SLC22A23: variants seen among roughly 807,000 people sequenced by gnomAD.
SLC22A23 encodes the protein solute carrier family 22 member 23.
In SLC22A23, 26 loss-of-function variants were observed where a neutral mutation model predicts 61.0. That is an observed-to-expected ratio of 0.43 (90% confidence interval 0.31 to 0.59). The LOEUF is 0.59. SLC22A23 is among the 20% of genes least tolerant of loss of function. SLC22A23 has a pLI of 0.11. For missense variants in SLC22A23, 796 were observed against 934.7 expected, an observed-to-expected ratio of 0.85 and a Z score of 1.94; for synonymous variants, 430 against 413.9, an observed-to-expected ratio of 1.04 and a Z score of -0.47.
intron 3 of SLC22A23, among the ~76,000 whole-genome samples, chr6:3,402,238 T>C (rs946626932): frequency 1.4e-4 from 21 of 152,176 alleles, no homozygotes; most frequent in African/African-American, 4.8e-4. Context: ...GGCCTTCTTT[T>C]CCTCTTTGGC....
chr6:3,451,472 C>T (rs1581910510), intron 1 of SLC22A23, among the ~76,000 whole-genome samples: 1 of 152,252 alleles, frequency 6.6e-6, no homozygotes, highest in East Asian at 1.9e-4. Context: ...GCTGGGATTA[C>T]AGGCGTGAGC....
chr6:3,295,114 G>C (rs1760960981), intron 5 of SLC22A23, among the ~76,000 whole-genome samples: 1 of 152,288 alleles, frequency 6.6e-6, no homozygotes, highest in Non-Finnish European at 1.5e-5. Context: ...TGGGGGCACA[G>C]AAGTGTCTGG....
chr6:3,393,792 G>T (rs1168048094), intron 3 of SLC22A23, among the ~76,000 whole-genome samples: 2 of 152,226 alleles, frequency 1.3e-5, no homozygotes, highest in Non-Finnish European at 2.9e-5. Context: ...TTATTCTCAG[G>T]TTTTCAATCG....
At chr6:3,278,303 T>G (rs1209975455) in intron 9 of SLC22A23, among the ~76,000 whole-genome samples, 1 of 152,182 alleles carries the variant, frequency 6.6e-6, no homozygotes, top group Non-Finnish European at 1.5e-5. Context: ...TAGAAAGCCC[T>G]TCCCAGGGAG....
At chr6:3,440,504 G>C (rs1042263172) in intron 1 of SLC22A23, among the ~76,000 whole-genome samples, 2 of 151,888 alleles carry the variant, frequency 1.3e-5, no homozygotes, top group Non-Finnish European at 2.9e-5. Context: ...TCAGGAGTTC[G>C]AGACCAGCCT....
intron 9 of SLC22A23, among the ~76,000 whole-genome samples, chr6:3,276,463 C>T (rs1014906662): frequency 6.6e-6 from 1 of 152,232 alleles, no homozygotes; most frequent in African/African-American, 2.4e-5. Flanking sequence ...ACCGATTTTC[C>T]TAGAACACAG....
In SLC22A23 at chr6:3,286,987, G is replaced by A. The variant is rs1760073198; in HGVS notation, c.1418C>T (p.Ala473Val). Residue 473 changes from alanine (A) to valine (V), a missense_variant, in exon 7 of 10, where the codon GCC (alanine) becomes GTC (valine). By Grantham distance (64) the Ala-to-Val change is moderately conservative (BLOSUM62 0). Transcript: ENST00000406686. This position sits in a 1 kb window ranked among gnomAD's most constrained non-coding sequence, Gnocchi z 4.2. ...CAGGCAGGACACCAGCGCGATGCTG[G>A]CCGTGGTATAGTAGTCAGCATAGAA... ...ENFYADYYTT[A>V]SIALVSCLAM... The A allele has an allele frequency of 6.2e-7, 1 of 1,614,186 alleles. No homozygotes were observed. The highest frequency in any genetic ancestry group is 1.3e-5 in the African/African-American group (1 of 75,066).
At chr6:3,400,383 G>A (rs2127497774) in intron 3 of SLC22A23, among the ~76,000 whole-genome samples, 1 of 152,330 alleles carries the variant, frequency 6.6e-6, no homozygotes, top group South Asian at 2.1e-4. Flanking sequence ...ACATGAGTGG[G>A]CCTCGTGGAA....
At chr6:3,422,051 C>G (rs1377082809) in intron 1 of SLC22A23, among the ~76,000 whole-genome samples, 2 of 152,154 alleles carry the variant, frequency 1.3e-5, no homozygotes, top group Non-Finnish European at 2.9e-5. Context: ...TTTTACCAAT[C>G]GCTGTGCACA....
At position 3,372,700 on chromosome 6, in the gene SLC22A23, A is replaced by G. The variant is rs1019887160; in HGVS notation, c.913+37488T>C. On this transcript the variant is annotated intron_variant, in intron 3 of 9. Coordinates refer to ENST00000406686, the MANE Select transcript of SLC22A23 (RefSeq NM_015482.2). This position sits in a 1 kb window ranked among gnomAD's most constrained non-coding sequence, Gnocchi z 4.7. ...TGAGCATCCCAGGGAGCTGGAGCAC[A>G]GCCGGGGCGTTAGATATGGAGCCTC... Among the ~76,000 whole-genome samples the G allele has an allele frequency of 6.6e-6, 1 of 152,216 alleles. No homozygotes were observed. Among genetic ancestry groups the G allele is most frequent in the African/African-American group, 2.4e-5 (1 of 41,454 alleles).
intron 1 of SLC22A23, among the ~76,000 whole-genome samples, chr6:3,448,047 C>T (rs1771994824): frequency 6.6e-6 from 1 of 151,764 alleles, no homozygotes; most frequent in Non-Finnish European, 1.5e-5. Context: ...GGATTACAGG[C>T]ACCCACCACC....
intron 3 of SLC22A23, among the ~76,000 whole-genome samples, chr6:3,406,215 T>A (rs1189831017): frequency 1.3e-5 from 2 of 152,068 alleles, no homozygotes; most frequent in African/African-American, 4.8e-5. Flanking sequence ...ATTTTTTATT[T>A]AAAAAAATTC....
At position 3,410,113 on chromosome 6, in the gene SLC22A23, T is replaced by C; in HGVS notation, c.913+75A>G. The C allele has an allele frequency of 6.6e-7, 1 of 1,519,424 alleles. No homozygotes were observed. The highest frequency in any genetic ancestry group is 8.9e-7 in the Non-Finnish European group (1 of 1,127,136). 94.1% of individuals were successfully genotyped at this position (1,519,424 alleles called of 1,614,324 possible). ...GCCCACACGAGCAGCATGCACAGTA[T>C]CTTTCCCAGAACCTCCCAGGCAACA... On this transcript the variant is annotated intron_variant, in intron 3 of 9. Transcript: ENST00000406686. This position sits in a 1 kb window ranked among gnomAD's most constrained non-coding sequence, Gnocchi z 5.0.
In SLC22A23 at chr6:3,298,137, C is replaced by T. The variant is rs768889057; in HGVS notation, c.1164G>A (p.Gln388=). ...SAKRLILHFT[Q]KNRMNPEGDI... ...CGCCCTCAGGGTTCATGCGATTCTTCTGTGTGAAGTGGAGGATCAGCCTCT... is the reference window on the plus strand; with the variant it reads ...CGCCCTCAGGGTTCATGCGATTCTTTTGTGTGAAGTGGAGGATCAGCCTCT... The change falls in exon 5 of 10, where the codon CAG becomes CAA. Residue 388 remains glutamine, a synonymous_variant. Coordinates refer to ENST00000406686, the MANE Select transcript of SLC22A23 (RefSeq NM_015482.2). 6.9e-6 allele frequency: 11 copies of T among 1,587,724 alleles called. No homozygotes were observed. The highest frequency in any genetic ancestry group is 2.7e-5 in the African/African-American group (2 of 73,134).
chr6:3,299,998 C>CTTTTTTTTT lies in SLC22A23; in HGVS notation c.1083-1789_1083-1781dup, dbSNP rs869114176. Reference sequence around the variant, plus strand: ...ACCTGCTTTGCAAGCTCAGGATAGACTTTTTTTTTTTTTTTTTTTTTTTTT... The same window carrying CTTTTTTTTT: ...ACCTGCTTTGCAAGCTCAGGATAGACTTTTTTTTTTTTTTTTTTTTTTTTTTTTTTTTTT... On this transcript the variant is annotated intron_variant, in intron 4 of 9. Coordinates refer to ENST00000406686, the MANE Select transcript of SLC22A23 (RefSeq NM_015482.2). 9.5e-4 allele frequency among the ~76,000 whole-genome samples: 75 copies of CTTTTTTTTT among 78,792 alleles called. 8 individuals carry two copies. In the East Asian group the frequency reaches 0.011, roughly 11 times the overall value. The allele number at this position is 78,792 out of a possible 152,430, so 51.7% of individuals were successfully genotyped here.
chr6:3,399,343 T>C (rs1309176661), intron 3 of SLC22A23, among the ~76,000 whole-genome samples: 1 of 152,236 alleles, frequency 6.6e-6, no homozygotes, highest in Non-Finnish European at 1.5e-5. Context: ...GTTCCTGAAC[T>C]GTTTTTCCCC....
At chr6:3,312,376 G>A (rs1430888664) in intron 4 of SLC22A23, 1 of 152,134 alleles carries the variant, frequency 6.6e-6, no homozygotes, top group Non-Finnish European at 1.5e-5. Context: ...ACGTGGTAGG[G>A]GGATTAATTT....
At chr6:3,274,553 G>A (rs554279866) in intron 9 of SLC22A23, among the ~76,000 whole-genome samples, 5 of 152,306 alleles carry the variant, frequency 3.3e-5, no homozygotes, top group Non-Finnish European at 7.4e-5. Context: ...GGAGGTCCCT[G>A]CAACAGGTAG....
At chr6:3,421,037 G>A (rs1191421560) in intron 1 of SLC22A23, among the ~76,000 whole-genome samples, 2 of 151,878 alleles carry the variant, frequency 1.3e-5, no homozygotes, top group African/African-American at 2.4e-5. Flanking sequence ...GAAGACAGAA[G>A]CTGCAGTGAG....
Sources: gnomAD v4.1 joint callset for allele counts (sites outside exome capture counted in the v4.1 genomes callset) on GRCh38, gnomAD v4.1.1 for gene constraint, Gnocchi (gnomAD v3.1) non-coding constraint, MANE v1.5 for transcripts, NCBI Gene and HGNC (gene_info 2026-07-23, HGNC 2026-07-21) for gene names.